The following TNFRSF11A variants were observed in gnomAD, a reference collection of about 807,000 sequenced individuals.
TNFRSF11A encodes TNF receptor superfamily member 11a, also known as tumor necrosis factor receptor superfamily member 11A.
Under a neutral mutation model 55.7 loss-of-function variants are expected in TNFRSF11A, and 32 were observed. The observed-to-expected ratio is 0.57, with a 90% confidence interval of 0.43 to 0.77. TNFRSF11A has a LOEUF of 0.77. Ranked by LOEUF, TNFRSF11A falls within the 30% of genes least tolerant of loss-of-function variation. TNFRSF11A has a pLI of 0.00. For synonymous variants in TNFRSF11A, 311 were observed against 331.0 expected (o/e 0.94, Z 0.65); for missense variants, 753 against 809.8 (o/e 0.93, Z 0.85).
chr18:62,343,284 G>A (rs997836521), intron 1 of TNFRSF11A, among the ~76,000 whole-genome samples: 14 of 152,224 alleles, frequency 9.2e-5, no homozygotes, highest in East Asian at 5.8e-4. Context: ...CGTTCTTTTC[G>A]TCTCGATTTG....
In TNFRSF11A at chr18:62,367,788, C is replaced by CTTTTT. The variant is rs67721371; in HGVS notation, c.784-894_784-890dup. Among the ~76,000 whole-genome samples the CTTTTT allele has an allele frequency of 4.1e-3, 319 of 78,710 alleles. 2 individuals are homozygous for CTTTTT. The highest frequency in any genetic ancestry group is 7.4e-3 in the African/African-American group (146 of 19,824). 51.6% of individuals were successfully genotyped at this position (78,710 alleles called of 152,430 possible). ...GATCTTTCTTTCTTTTCTTCTTCTT[C>CTTTTT]TTTTTTTTTTTTTTTTTTTTTTTGA... On this transcript the variant is annotated intron_variant, in intron 8 of 9. Coordinates refer to ENST00000586569, the MANE Select transcript of TNFRSF11A (RefSeq NM_003839.4).
chr18:62,349,181 C>CT (rs1490925609), intron 2 of TNFRSF11A, among the ~76,000 whole-genome samples: 4 of 120,430 alleles, frequency 3.3e-5, no homozygotes, highest in African/African-American at 1.2e-4. Flanking sequence ...TTTTTTTTTT[C>CT]TTTTTTTCTT....
chr18:62,330,221 C>G (rs2145234717), intron 1 of TNFRSF11A, among the ~76,000 whole-genome samples: 1 of 152,270 alleles, frequency 6.6e-6, no homozygotes, highest in South Asian at 2.1e-4. Flanking sequence ...ACAGCAGGAT[C>G]CGGTGTTCTG....
chr18:62,357,617 T>A (rs1263266325), intron 4 of TNFRSF11A, among the ~76,000 whole-genome samples: 1 of 152,242 alleles, frequency 6.6e-6, no homozygotes, highest in African/African-American at 2.4e-5. Flanking sequence ...ATATTTACTC[T>A]ATGACCCTTT....
chr18:62,335,171 G>A (rs1332835294), intron 1 of TNFRSF11A, among the ~76,000 whole-genome samples: 4 of 148,220 alleles, frequency 2.7e-5, no homozygotes, highest in Admixed American at 6.8e-5. Context: ...GTGCAGTGGC[G>A]CGATCTCAGC....
At chr18:62,363,452 T>C (rs1315900472) in intron 7 of TNFRSF11A, among the ~76,000 whole-genome samples, 1 of 136,700 alleles carries the variant, frequency 7.3e-6, no homozygotes, top group East Asian at 2.4e-4. Context: ...CACTGCAACC[T>C]CCGCCTCCTG....
chr18:62,342,563 A>G (rs1479778906), intron 1 of TNFRSF11A, among the ~76,000 whole-genome samples: 1 of 152,088 alleles, frequency 6.6e-6, no homozygotes, highest in Non-Finnish European at 1.5e-5. Flanking sequence ...GCGAATCACC[A>G]TGGTGGGACG....
chr18:62,366,792 A>G, intron 8 of TNFRSF11A, 32 bp downstream of exon 8: 1 of 1,612,122 alleles, frequency 6.2e-7, no homozygotes, highest in Non-Finnish European at 8.5e-7. Flanking sequence ...GCCTCTGTTA[A>G]GTACATTCAA....
Position 62,354,417 on chromosome 18 carries a change from G to A in TNFRSF11A, c.310G>A (p.Gly104Ser). ...TGKALVAVVA[G>S]NSTTPRRCAC... The stretch of plus-strand genomic sequence containing the variant: ...CAAGGCCCTGGTGGCCGTGGTCGCC[G>A]GCAACAGCACGACCCCCCGGCGCTG... The change falls in exon 4 of 10, where the codon GGC becomes AGC. Residue 104 changes from glycine (G) to serine (S), a missense_variant. Transcript: ENST00000586569. The A allele has an allele frequency of 6.3e-7, 1 of 1,591,068 alleles. No individual in the cohort carries two copies. Among genetic ancestry groups the A allele is most frequent in the Non-Finnish European group, 8.5e-7 (1 of 1,174,330 alleles).
chr18:62,358,441 A>G lies in TNFRSF11A; in HGVS notation c.521+100A>G, dbSNP rs1909434147. The G allele has an allele frequency of 1.5e-5, 18 of 1,194,616 alleles. No homozygotes were observed. In the South Asian group the frequency reaches 1.9e-4, roughly 13 times the overall value. 74.0% of individuals were successfully genotyped at this position (1,194,616 alleles called of 1,614,324 possible). A position where few individuals can be genotyped will look rare whatever the true frequency, so the allele number is the denominator to read the frequency against. On this transcript the variant is annotated intron_variant, in intron 5 of 9. Transcript: ENST00000586569. The stretch of plus-strand genomic sequence containing the variant: ...GAAAACGGACGGATTCTGTTGGGTT[A>G]GGCTTCCTCTTGAAGCCACGTTCAA...
At chr18:62,326,282 A>G (rs1004992508) in intron 1 of TNFRSF11A, among the ~76,000 whole-genome samples, 1 of 152,166 alleles carries the variant, frequency 6.6e-6, no homozygotes, top group Admixed American at 6.5e-5. Context: ...GCAGCCGGGC[A>G]CGGAACCCGG....
At chr18:62,329,745 C>G (rs1350349428) in intron 1 of TNFRSF11A, among the ~76,000 whole-genome samples, 2 of 152,148 alleles carry the variant, frequency 1.3e-5, no homozygotes, top group African/African-American at 4.8e-5. Context: ...GAGAGACACT[C>G]TATTTCCTGC....
chr18:62,330,540 A>G (rs1307808574), intron 1 of TNFRSF11A, among the ~76,000 whole-genome samples: 1 of 152,210 alleles, frequency 6.6e-6, no homozygotes, highest in East Asian at 1.9e-4. Flanking sequence ...GTACAAGCAA[A>G]TAGTTCAGAT....
chr18:62,349,998 T>C (rs2046442287), intron 3 of TNFRSF11A, 61 bp downstream of exon 3: 3 of 1,604,622 alleles, frequency 1.9e-6, no homozygotes, highest in Non-Finnish European at 2.6e-6. Context: ...TCTTTTTCTA[T>C]AGAAACATTT....
intron 6 of TNFRSF11A, 74 bp downstream of exon 6, chr18:62,360,123 G>A: frequency 7.9e-7 from 1 of 1,264,780 alleles, no homozygotes; most frequent in Admixed American, 1.7e-5. Context: ...CCTCCCAGAT[G>A]GCACGTGGAT....
intron 1 of TNFRSF11A, among the ~76,000 whole-genome samples, chr18:62,346,258 T>C (rs1254873458): frequency 6.6e-6 from 1 of 152,254 alleles, no homozygotes; most frequent in Admixed American, 6.5e-5. Flanking sequence ...ATTGCAACAA[T>C]GCTCATGAAT....
chr18:62,341,023 A>G (rs759649630), intron 1 of TNFRSF11A, among the ~76,000 whole-genome samples: 11 of 152,384 alleles, frequency 7.2e-5, no homozygotes, highest in Non-Finnish European at 1.6e-4. Context: ...AATCTGTAAG[A>G]TTGAAATTCT....
intron 7 of TNFRSF11A, among the ~76,000 whole-genome samples, chr18:62,364,831 T>A (rs1367324552): frequency 6.6e-6 from 1 of 152,208 alleles, no homozygotes; most frequent in Non-Finnish European, 1.5e-5. Flanking sequence ...TTATTTCCCC[T>A]ATTTTGTGAT....
chr18:62,384,998 G>A lies in TNFRSF11A; in HGVS notation c.1815G>A (p.Ser605=), dbSNP rs1438705050. Residue 605 remains serine (S), a synonymous_variant, in exon 10 of 10, where the codon TCG becomes TCA. Coordinates refer to ENST00000586569, the MANE Select transcript of TNFRSF11A (RefSeq NM_003839.4). ...PEGLREPEKA[S]RPVQEQGGAK... is the part of the protein sequence containing the mutation. Reference sequence around the variant, plus strand: ...GGCTGCGGGAGCCGGAGAAGGCCTCGAGGCCGGTGCAGGAGCAAGGCGGGG... The same window carrying A: ...GGCTGCGGGAGCCGGAGAAGGCCTCAAGGCCGGTGCAGGAGCAAGGCGGGG... 13 of 1,476,386 alleles carry A rather than the reference G, an allele frequency of 8.8e-6. No homozygotes were observed. Among genetic ancestry groups the A allele is most frequent in the African/African-American group, 1.5e-5 (1 of 67,966 alleles). The allele number at this position is 1,476,386 out of a possible 1,614,324, so 91.5% of individuals were successfully genotyped here.
Sources: allele counts gnomAD v4.1 joint callset (sites outside exome capture counted in the v4.1 genomes callset), GRCh38; gene constraint gnomAD v4.1.1; transcripts MANE v1.5; gene names NCBI Gene and HGNC (gene_info 2026-07-23, HGNC 2026-07-21).